The following TENM2 variants were observed in gnomAD, a reference collection of about 807,000 sequenced individuals.
The protein encoded by TENM2 is teneurin-2.
TENM2 carries 52 observed loss-of-function variants against 245.2 expected under a neutral mutation model. That is an observed-to-expected ratio of 0.21 (90% confidence interval 0.17 to 0.27). The LOEUF is 0.27. Among genes scored for constraint, TENM2 ranks in the 10% least tolerant of loss-of-function variants. The pLI, the probability that TENM2 is intolerant of heterozygous loss-of-function variation, is 1.00. For synonymous variants in TENM2, 1,363 were observed against 1,438.9 expected, an observed-to-expected ratio of 0.95 and a Z score of 1.19; for missense variants, 3,046 against 3,666.8, an observed-to-expected ratio of 0.83 and a Z score of 4.37.
intron 2 of TENM2, among the ~76,000 whole-genome samples, chr5:167,568,433 A>G (rs560815738): frequency 2.0e-5 from 3 of 152,080 alleles, no homozygotes; most frequent in African/African-American, 7.2e-5. Flanking sequence ...TATACTGAAC[A>G]CTCACCATGT....
At chr5:167,030,521 C>T in the TENM2 span, among the ~76,000 whole-genome samples, 1 of 152,118 alleles carries the variant, frequency 6.6e-6, no homozygotes, top group Admixed American at 6.5e-5. Flanking sequence ...TTACCTAGTC[C>T]TACAGACATA....
At chr5:167,150,423 T>A in the TENM2 span, among the ~76,000 whole-genome samples, 1 of 152,190 alleles carries the variant, frequency 6.6e-6, no homozygotes, top group Non-Finnish European at 1.5e-5. Context: ...AAGCTTGGGG[T>A]CAAGTAAATT....
chr5:168,013,243 C>T (rs1456478073), intron 5 of TENM2, among the ~76,000 whole-genome samples: 4 of 152,066 alleles, frequency 2.6e-5, no homozygotes, highest in East Asian at 1.9e-4. Flanking sequence ...ATAAGGGAAA[C>T]GAGGGTTGGA....
chr5:168,244,869 A>C lies in TENM2; in HGVS notation c.5817+153A>C, dbSNP rs1766410339. On this transcript the variant is annotated intron_variant, in intron 26 of 28. Transcript: ENST00000518659. This position sits in a 1 kb window ranked among gnomAD's most constrained non-coding sequence, Gnocchi z 4.9. ...ACTGCAACCTCTGCCTCCCAGGTTC[A>C]AGTAATTCTCCTGCCTGTGCCTCCT... Among the ~76,000 whole-genome samples the C allele has an allele frequency of 6.6e-6, 1 of 151,748 alleles. No individual in the cohort carries two copies. Among genetic ancestry groups the C allele is most frequent in the African/African-American group, 2.4e-5 (1 of 41,280 alleles).
intron 4 of TENM2, among the ~76,000 whole-genome samples, chr5:167,953,677 G>A (rs1657099418): frequency 1.3e-5 from 2 of 152,182 alleles, no homozygotes; most frequent in South Asian, 4.1e-4. Context: ...GAAGAACCAT[G>A]GAGACGGAAC....
At chr5:168,115,359 G>GGAA (rs766545923) in intron 9 of TENM2, among the ~76,000 whole-genome samples, 11 of 71,624 alleles carry the variant, frequency 1.5e-4, no homozygotes, top group South Asian at 1.4e-3. Flanking sequence ...AGGGAAGGAA[G>GGAA]GGAAGGAAGG....
At chr5:168,022,050 G>A (rs1786197002) in intron 5 of TENM2, among the ~76,000 whole-genome samples, 3 of 152,194 alleles carry the variant, frequency 2.0e-5, no homozygotes, top group Admixed American at 1.3e-4. Flanking sequence ...ACAATTAAGT[G>A]ATCATTTTAG....
intron 26 of TENM2, among the ~76,000 whole-genome samples, chr5:168,245,318 G>A (rs571574803): frequency 2.0e-5 from 3 of 152,010 alleles, no homozygotes; most frequent in Admixed American, 6.6e-5. Context: ...CTGTTGAAGC[G>A]GACAGAATCA....
At chr5:167,675,940 C>T (rs565044802) in intron 2 of TENM2, among the ~76,000 whole-genome samples, 1 of 152,160 alleles carries the variant, frequency 6.6e-6, no homozygotes, top group Non-Finnish European at 1.5e-5. Context: ...TTGGGTAGTA[C>T]ATGAATGTCA....
intron 2 of TENM2, among the ~76,000 whole-genome samples, chr5:167,604,989 A>G (rs549822821): frequency 4.6e-5 from 7 of 152,318 alleles, no homozygotes; most frequent in African/African-American, 1.4e-4. Flanking sequence ...GCAAACGGAC[A>G]TGGTTTGATC....
intron 5 of TENM2, among the ~76,000 whole-genome samples, chr5:168,020,033 C>T (rs1256227322): frequency 1.3e-5 from 2 of 152,102 alleles, no homozygotes; most frequent in African/African-American, 4.8e-5. Flanking sequence ...ACCATGTTCT[C>T]TGAGGGTTAG....
At chr5:168,173,878 T>C (rs760748053) in intron 13 of TENM2, among the ~76,000 whole-genome samples, 2 of 151,928 alleles carry the variant, frequency 1.3e-5, no homozygotes, top group Non-Finnish European at 2.9e-5. Context: ...AAAAAGGAAT[T>C]AGGCAAGGAA....
chr5:168,158,850 T>TATATATATATATATATATACACACACAC (rs1339051385), intron 12 of TENM2, among the ~76,000 whole-genome samples: 3 of 62,328 alleles, frequency 4.8e-5, no homozygotes, highest in Admixed American at 2.3e-4. Flanking sequence ...TATATATATA[T>TATATATATATATATATATACACACACAC]ACACACACAC....
intron 13 of TENM2, among the ~76,000 whole-genome samples, chr5:168,163,539 G>A (rs1021558596): frequency 6.6e-6 from 1 of 152,164 alleles, no homozygotes; most frequent in Non-Finnish European, 1.5e-5. Flanking sequence ...CACTTTGGGA[G>A]GCCATCACCA....
At chr5:167,582,201 C>G (rs1021536049) in intron 2 of TENM2, among the ~76,000 whole-genome samples, 3 of 152,188 alleles carry the variant, frequency 2.0e-5, no homozygotes, top group Admixed American at 2.0e-4. Context: ...TCACTCTTCT[C>G]TGAGTTCTAT....
chr5:168,075,297 T>C, intron 7 of TENM2, among the ~76,000 whole-genome samples: 1 of 152,244 alleles, frequency 6.6e-6, no homozygotes, highest in Non-Finnish European at 1.5e-5. Context: ...TAGTATTCCA[T>C]GGTATATATA....
intron 2 of TENM2, among the ~76,000 whole-genome samples, chr5:167,686,869 C>A (rs1477548945): frequency 6.6e-6 from 1 of 152,130 alleles, no homozygotes; most frequent in Non-Finnish European, 1.5e-5. Flanking sequence ...AATTATGTTT[C>A]TTGCCATTGA....
intron 1 of TENM2, among the ~76,000 whole-genome samples, chr5:167,368,902 A>G (rs1561900140): frequency 6.6e-6 from 1 of 152,018 alleles, no homozygotes; most frequent in East Asian, 1.9e-4. Context: ...GTGAAATTAT[A>G]TTTAACATTT....
the TENM2 span, among the ~76,000 whole-genome samples, chr5:167,069,037 A>G: frequency 6.6e-6 from 1 of 152,256 alleles, no homozygotes; most frequent in East Asian, 1.9e-4. Flanking sequence ...TCGTATTTTT[A>G]TGTCTGTGAA....
Sources: gnomAD v4.1 joint callset for allele counts (sites outside exome capture counted in the v4.1 genomes callset) on GRCh38, gnomAD v4.1.1 for gene constraint, Gnocchi (gnomAD v3.1) non-coding constraint, MANE v1.5 for transcripts, NCBI Gene and HGNC (gene_info 2026-07-23, HGNC 2026-07-21) for gene names.